TENM2: variants seen among roughly 807,000 people sequenced by gnomAD.
TENM2 encodes teneurin-2.
A neutral mutation model predicts 245.2 loss-of-function variants in TENM2; 52 were observed. The observed-to-expected ratio is 0.21, with a 90% confidence interval of 0.17 to 0.27. TENM2 has a LOEUF of 0.27. Ranked by LOEUF, TENM2 falls within the 10% of genes least tolerant of loss-of-function variation. The pLI, the probability that TENM2 is intolerant of heterozygous loss-of-function variation, is 1.00. For synonymous variants in TENM2, 1,363 were observed against 1,438.9 expected, an observed-to-expected ratio of 0.95 and a Z score of 1.19; for missense variants, 3,046 against 3,666.8, an observed-to-expected ratio of 0.83 and a Z score of 4.37.
At chr5:167,210,752 C>T in the TENM2 span, among the ~76,000 whole-genome samples, 5 of 152,124 alleles carry the variant, frequency 3.3e-5, no homozygotes, top group African/African-American at 7.2e-5. Context: ...CGTGAGCCAC[C>T]GCGCCCGGCC....
At chr5:167,438,633 G>A (rs528840304) in intron 2 of TENM2, among the ~76,000 whole-genome samples, 3 of 152,142 alleles carry the variant, frequency 2.0e-5, no homozygotes, top group South Asian at 4.2e-4. Flanking sequence ...TCCTGACCTC[G>A]TGATTCGTCC....
chr5:167,390,069 A>G (rs1761664551), intron 2 of TENM2, among the ~76,000 whole-genome samples: 1 of 152,178 alleles, frequency 6.6e-6, no homozygotes, highest in South Asian at 2.1e-4. Context: ...TGTTTATACA[A>G]ATGCTTAAAA....
At chr5:167,809,941 A>G (rs1766509422) in intron 2 of TENM2, among the ~76,000 whole-genome samples, 1 of 152,292 alleles carries the variant, frequency 6.6e-6, no homozygotes, top group East Asian at 1.9e-4. Context: ...TCCTTGCTCC[A>G]GTCAATAGAG....
chr5:168,212,059 T>A (rs1007617753), intron 20 of TENM2, among the ~76,000 whole-genome samples: 5 of 152,216 alleles, frequency 3.3e-5, no homozygotes, highest in African/African-American at 1.2e-4. Flanking sequence ...GGCTAAACAG[T>A]TGAGGCAAAC....
intron 2 of TENM2, among the ~76,000 whole-genome samples, chr5:167,762,728 T>C (rs528508524): frequency 6.6e-6 from 1 of 152,356 alleles, no homozygotes; most frequent in South Asian, 2.1e-4. Context: ...CAGGGTGTTT[T>C]TCCCCTTTCT....
the TENM2 span, among the ~76,000 whole-genome samples, chr5:167,130,560 G>C: frequency 2.6e-5 from 4 of 152,142 alleles, no homozygotes; most frequent in Non-Finnish European, 2.9e-5. Flanking sequence ...CAAGCCTAAA[G>C]TCACTGGCAG....
the TENM2 span, among the ~76,000 whole-genome samples, chr5:167,242,002 GT>G: frequency 2.1e-5 from 3 of 145,096 alleles, no homozygotes; most frequent in Admixed American, 1.4e-4. Context: ...TGCTTTGCTT[GT>G]TTTTTTTGTT....
chr5:168,228,633 C>G (rs1764491701), intron 25 of TENM2, among the ~76,000 whole-genome samples: 2 of 152,134 alleles, frequency 1.3e-5, no homozygotes, highest in Admixed American at 1.3e-4. Flanking sequence ...ATAAAATATG[C>G]AGACACAGGA....
At chr5:167,324,595 G>C (rs575274533) in intron 1 of TENM2, among the ~76,000 whole-genome samples, 2 of 151,360 alleles carry the variant, frequency 1.3e-5, no homozygotes, top group African/African-American at 4.9e-5. Context: ...AAACTAAATC[G>C]AACCAGGTAG....
chr5:167,312,711 C>T (rs756672307), intron 1 of TENM2, among the ~76,000 whole-genome samples: 86 of 151,794 alleles, frequency 5.7e-4, no homozygotes, highest in Non-Finnish European at 1.1e-3. Flanking sequence ...AAAAAAAAAA[C>T]TTGTGAGAGA....
chr5:167,900,111 T>TAAAAAA (rs71853736), intron 3 of TENM2, among the ~76,000 whole-genome samples: 536 of 43,440 alleles, frequency 0.012, 52 homozygotes, highest in African/African-American at 0.031. Context: ...CTCAACCCAC[T>TAAAAAA]AAAAAAAAAA....
intron 3 of TENM2, among the ~76,000 whole-genome samples, chr5:167,943,925 C>T (rs32414): frequency 0.11 from 17,341 of 152,154 alleles, 1,082 homozygotes; most frequent in African/African-American, 0.17. Flanking sequence ...ACTGCTCAGA[C>T]GTAACTGTGT....
intron 2 of TENM2, among the ~76,000 whole-genome samples, chr5:167,385,164 G>A (rs1761343200): frequency 6.6e-6 from 1 of 152,146 alleles, no homozygotes; most frequent in South Asian, 2.1e-4. Context: ...TAAGTGTGTT[G>A]TAGGTGAACG....
intron 3 of TENM2, among the ~76,000 whole-genome samples, chr5:167,878,191 T>G (rs1436144457): frequency 1.3e-5 from 2 of 152,202 alleles, no homozygotes; most frequent in Non-Finnish European, 2.9e-5. Context: ...ATAGGGTATT[T>G]ATGTCAGCTT....
At chr5:167,142,596 G>C in the TENM2 span, among the ~76,000 whole-genome samples, 1 of 152,074 alleles carries the variant, frequency 6.6e-6, no homozygotes, top group East Asian at 1.9e-4. Flanking sequence ...TTTCACCCAG[G>C]CTGGAGTGCA....
At chr5:167,747,051 A>G (rs937837365) in intron 2 of TENM2, among the ~76,000 whole-genome samples, 16 of 152,248 alleles carry the variant, frequency 1.1e-4, no homozygotes, top group Admixed American at 9.8e-4. Context: ...AAATTATGAG[A>G]AGTGCTATGA....
intron 4 of TENM2, among the ~76,000 whole-genome samples, chr5:167,962,064 C>A (rs1781053964): frequency 6.6e-6 from 1 of 152,180 alleles, no homozygotes; most frequent in African/African-American, 2.4e-5. Context: ...GTCCTCTTGA[C>A]AAATATCTGG....
the TENM2 span, among the ~76,000 whole-genome samples, chr5:167,189,331 T>C: frequency 6.6e-6 from 1 of 152,186 alleles, no homozygotes; most frequent in Non-Finnish European, 1.5e-5. Context: ...GTTAATTTGG[T>C]TTCCCAAAGC....
At chr5:167,980,073 C>A (rs1348971083) in intron 4 of TENM2, among the ~76,000 whole-genome samples, 1 of 152,110 alleles carries the variant, frequency 6.6e-6, no homozygotes, top group Non-Finnish European at 1.5e-5. Flanking sequence ...CAAACCTGGG[C>A]TGGGCATTCT....
Sources: allele counts gnomAD v4.1 joint callset (sites outside exome capture counted in the v4.1 genomes callset), GRCh38; gene constraint gnomAD v4.1.1; transcripts MANE v1.5; gene names NCBI Gene and HGNC (gene_info 2026-07-23, HGNC 2026-07-21).